The following ZNF654 variants were observed in gnomAD, a reference collection of about 807,000 sequenced individuals.
The protein encoded by ZNF654 is zinc finger protein 654, also known as melanoma-associated antigen.
In ZNF654, 19 loss-of-function variants were observed where a neutral mutation model predicts 95.3. That is an observed-to-expected ratio of 0.20 (90% CI 0.14 to 0.29). The LOEUF (loss-of-function observed/expected upper bound fraction) is 0.29, where lower values mean the gene tolerates loss of function less well. Among genes scored for constraint, ZNF654 ranks in the 10% least tolerant of loss-of-function variants. The pLI, the probability that ZNF654 is intolerant of heterozygous loss-of-function variation, is 1.00. For missense variants in ZNF654, 1,046 were observed against 1,341.0 expected (o/e 0.78, Z 3.44); for synonymous variants, 413 against 457.9 (o/e 0.90, Z 1.25).
chr3:88,094,911 G>T (rs887917335), intron 2 of ZNF654, among the ~76,000 whole-genome samples: 14 of 151,996 alleles, frequency 9.2e-5, no homozygotes, highest in Non-Finnish European at 1.5e-4. Flanking sequence ...AAATGCTTCT[G>T]TAATGATAAA....
chr3:88,083,822 G>A (rs918743117), intron 1 of ZNF654, among the ~76,000 whole-genome samples: 1 of 152,046 alleles, frequency 6.6e-6, no homozygotes, highest in African/African-American at 2.4e-5. Flanking sequence ...AAAAGTGAAA[G>A]ATGTGGTGCT....
chr3:88,111,323 A>G (rs929860317), intron 2 of ZNF654, among the ~76,000 whole-genome samples: 4 of 152,000 alleles, frequency 2.6e-5, no homozygotes, highest in Non-Finnish European at 5.9e-5. Flanking sequence ...TACCCTTTGC[A>G]GAGTCAGTTG....
At chr3:88,071,760 T>C (rs4858988) in intron 1 of ZNF654, among the ~76,000 whole-genome samples, 143,162 of 152,196 alleles carry the variant, frequency 0.94, 67,858 homozygotes, top group Non-Finnish European at 1. Flanking sequence ...GCTGAGATCG[T>C]ACCATTGCAC....
At chr3:88,059,643 T>C in intron 1 of ZNF654, 138 bp downstream of exon 1, 11 of 843,422 alleles carry the variant, frequency 1.3e-5, no homozygotes, top group East Asian at 1.5e-4. Context: ...TGAAGCTCCC[T>C]CCTCCACTTA....
chr3:88,140,646 C>T lies in ZNF654; in HGVS notation c.2977C>T (p.Pro993Ser), dbSNP rs1407212235. The change falls in exon 8 of 9, where the codon CCT becomes TCT. Residue 993 changes from proline (P) to serine (S), a missense_variant. By Grantham distance (74) the Pro-to-Ser change is moderately conservative. Transcript: ENST00000636215. ...GCAAACACCTTTAGTTTCATCAGATCCTGCTTTGAAAATTGATACAAACAG... is the reference window on the plus strand; with the variant it reads ...GCAAACACCTTTAGTTTCATCAGATTCTGCTTTGAAAATTGATACAAACAG... ...IEQTPLVSSD[P>S]ALKIDTNRIR... The T allele has an allele frequency of 6.2e-7, 1 of 1,613,700 alleles. No homozygotes were observed. The highest frequency in any genetic ancestry group is 1.7e-5 in the Admixed American group (1 of 59,972).
At chr3:88,072,885 C>T (rs756082286) in intron 1 of ZNF654, among the ~76,000 whole-genome samples, 19 of 152,174 alleles carry the variant, frequency 1.2e-4, no homozygotes, top group Middle Eastern at 3.4e-3. Flanking sequence ...TTCCTATGCA[C>T]GTTCACATGG....
chr3:88,077,525 C>T (rs1210791111), intron 1 of ZNF654, among the ~76,000 whole-genome samples: 3 of 151,736 alleles, frequency 2.0e-5, no homozygotes, highest in East Asian at 1.9e-4. Context: ...TTAGTAGAGA[C>T]GGGGTTTCCC....
At chr3:88,074,114 G>A (rs1038290352) in intron 1 of ZNF654, among the ~76,000 whole-genome samples, 2 of 152,076 alleles carry the variant, frequency 1.3e-5, no homozygotes, top group Non-Finnish European at 1.5e-5. Context: ...CCATTTTTGA[G>A]TTCACAAAGA....
chr3:88,137,956 CT>C (rs1706898384), intron 7 of ZNF654, among the ~76,000 whole-genome samples: 1 of 151,952 alleles, frequency 6.6e-6, no homozygotes. Context: ...CAAAATAAGC[CT>C]TTAGATTATT....
chr3:88,081,581 A>G (rs1313436604), intron 1 of ZNF654, among the ~76,000 whole-genome samples: 2 of 152,194 alleles, frequency 1.3e-5, no homozygotes, highest in African/African-American at 4.8e-5. Flanking sequence ...CATATATTTA[A>G]TTTATTGTAT....
At chr3:88,131,057 A>AT (rs1405867534) in intron 6 of ZNF654, among the ~76,000 whole-genome samples, 1 of 152,136 alleles carries the variant, frequency 6.6e-6, no homozygotes, top group Non-Finnish European at 1.5e-5. Context: ...TTGTGTGAAT[A>AT]TTGTAGAGAT....
In ZNF654 at chr3:88,059,268, A is replaced by ACGGCGG. The variant is rs565177779; in HGVS notation, c.-40_-35dup. ...GAGGAGGAGGTTAGCCTAGGCATCT[A>ACGGCGG]CGGCGGCGGCGGCGGCGCAGGGGCT... On this transcript the variant is annotated 5_prime_UTR_variant, in exon 1 of 9. Coordinates refer to ENST00000636215, the MANE Select transcript of ZNF654 (RefSeq NM_001350134.2). 73 of 1,531,556 alleles carry ACGGCGG rather than the reference A, an allele frequency of 4.8e-5. No individual in the cohort carries two copies. Among genetic ancestry groups the ACGGCGG allele is most frequent in the Middle Eastern group, 2.2e-4 (1 of 4,566 alleles). 94.9% of individuals were successfully genotyped at this position (1,531,556 alleles called of 1,614,324 possible). A position where few individuals can be genotyped will look rare whatever the true frequency, so the allele number is the denominator to read the frequency against.
chr3:88,083,645 G>A (rs1183423214), intron 1 of ZNF654, among the ~76,000 whole-genome samples: 1 of 152,148 alleles, frequency 6.6e-6, no homozygotes, highest in Non-Finnish European at 1.5e-5. Flanking sequence ...AAGATTGCTA[G>A]CCTTAATCTT....
At chr3:88,061,404 G>A (rs1706876071) in intron 1 of ZNF654, among the ~76,000 whole-genome samples, 1 of 152,056 alleles carries the variant, frequency 6.6e-6, no homozygotes, top group African/African-American at 2.4e-5. Context: ...AAATAAAACA[G>A]GAAGAACTTA....
At chr3:88,108,626 A>G (rs1043019352) in intron 2 of ZNF654, among the ~76,000 whole-genome samples, 3 of 152,286 alleles carry the variant, frequency 2.0e-5, no homozygotes, top group African/African-American at 7.2e-5. Flanking sequence ...TCTACACTGT[A>G]TACGCTACCT....
intron 1 of ZNF654, among the ~76,000 whole-genome samples, chr3:88,072,162 A>T (rs1707551656): frequency 6.6e-6 from 1 of 152,198 alleles, no homozygotes; most frequent in Non-Finnish European, 1.5e-5. Flanking sequence ...CCTTGCTCTA[A>T]AGGAACTGAA....
intron 2 of ZNF654, among the ~76,000 whole-genome samples, chr3:88,092,652 T>G (rs1276332423): frequency 6.6e-6 from 1 of 152,226 alleles, no homozygotes; most frequent in South Asian, 2.1e-4. Context: ...TGACTTTAAA[T>G]TTTTTATTTG....
At chr3:88,090,986 A>T (rs182674473) in intron 2 of ZNF654, among the ~76,000 whole-genome samples, 1 of 152,320 alleles carries the variant, frequency 6.6e-6, no homozygotes, top group African/African-American at 2.4e-5. Flanking sequence ...GTTTTATGCT[A>T]TATTTTTACT....
rs144790168 is a variant in ZNF654, at chr3:88,089,605, T to C, written c.332+3203T>C. ...AATAAACAGTTGCTAGATGAGCTAA[T>C]GTCATCTAGAAACTGTTTCTTTCCA... On this transcript the variant is annotated intron_variant, in intron 2 of 8. Transcript: ENST00000636215. Among the ~76,000 whole-genome samples the C allele has an allele frequency of 1.0e-3, 159 of 152,326 alleles. 1 individual carries two copies. The highest frequency in any genetic ancestry group is 1.6e-3 in the Admixed American group (24 of 15,308).
Sources: gnomAD v4.1 joint callset for allele counts (sites outside exome capture counted in the v4.1 genomes callset) on GRCh38, gnomAD v4.1.1 for gene constraint, MANE v1.5 for transcripts, NCBI Gene and HGNC (gene_info 2026-07-23, HGNC 2026-07-21) for gene names.